Variants in CCDC180 observed in about 807,000 individuals in gnomAD.
CCDC180 encodes the protein coiled-coil domain containing 180, also known as coiled-coil domain-containing protein 180.
Under a neutral mutation model 209.2 loss-of-function variants are expected in CCDC180, and 154 were observed. The ratio of observed to expected loss-of-function variants is 0.74; its 90% confidence interval spans 0.65 to 0.84. The LOEUF (loss-of-function observed/expected upper bound fraction) is 0.84, where lower values mean the gene tolerates loss of function less well. Among genes scored for constraint, CCDC180 ranks in the 40% least tolerant of loss-of-function variants. CCDC180 has a pLI of 0.00. For missense variants in CCDC180, 1,874 were observed against 1,997.3 expected (o/e 0.94, Z 1.18); for synonymous variants, 778 against 749.1 (o/e 1.04, Z -0.63).
chr9:97,342,131 C>T (rs946232022), intron 18 of CCDC180, among the ~76,000 whole-genome samples: 15 of 152,248 alleles, frequency 9.9e-5, no homozygotes, highest in East Asian at 1.9e-4. Flanking sequence ...TTGCGCTTCC[C>T]GGGTGAGGCG....
chr9:97,366,682 C>T lies in CCDC180; in HGVS notation c.4171C>T (p.His1391Tyr), dbSNP rs545891110. 3 of 1,614,106 alleles carry T rather than the reference C, an allele frequency of 1.9e-6. No homozygotes were observed. The African/African-American group carries it at 4.0e-5, about 22-fold the overall frequency. Reference protein sequence around the residue: ...LEYQSQANKYHNSCLIELRIQ... With the variant: ...LEYQSQANKYYNSCLIELRIQ... ...GTATCAGAGCCAGGCAAATAAGTAC[C>T]ACAACTCCTGCCTCATAGGTGAGTA... The change falls in exon 31 of 37, where the codon CAC (histidine) becomes TAC (tyrosine). Residue 1391 changes from histidine (H) to tyrosine (Y), a missense_variant. Transcript: ENST00000529487. This position sits in a 1 kb window ranked among gnomAD's most constrained non-coding sequence, Gnocchi z 4.3.
At chr9:97,346,769 G>A (rs969302693) in intron 19 of CCDC180, among the ~76,000 whole-genome samples, 1 of 152,100 alleles carries the variant, frequency 6.6e-6, no homozygotes, top group African/African-American at 2.4e-5. Context: ...AGAGATGGGG[G>A]TCTCACCATG....
intron 20 of CCDC180, among the ~76,000 whole-genome samples, chr9:97,348,464 A>G (rs568891973): frequency 1.0e-3 from 158 of 152,326 alleles, no homozygotes; most frequent in African/African-American, 3.7e-3. Flanking sequence ...CCCCTGACCC[A>G]ATACACAGTG....
intron 19 of CCDC180, 41 bp downstream of exon 19, chr9:97,343,604 G>A: frequency 7.6e-7 from 1 of 1,319,762 alleles, no homozygotes; most frequent in Non-Finnish European, 1.1e-6. Context: ...GTTGTTCTGA[G>A]TTTTGTAAAC....
chr9:97,350,356 G>T, intron 21 of CCDC180, 53 bp from the exon 22 acceptor site: 1 of 1,513,028 alleles, frequency 6.6e-7, no homozygotes, highest in South Asian at 1.2e-5. Context: ...CCCCTCCCTT[G>T]TCCCCCAGGG....
intron 27 of CCDC180, 85 bp downstream of exon 27, chr9:97,361,983 C>T: frequency 1.3e-6 from 2 of 1,484,866 alleles, no homozygotes; most frequent in South Asian, 2.6e-5. Flanking sequence ...GGGCCCCACA[C>T]ACTGGGGTTC....
intron 36 of CCDC180, chr9:97,376,491 C>T (rs542561528): frequency 1.5e-4 from 51 of 337,042 alleles, no homozygotes; most frequent in African/African-American, 1.0e-3. Context: ...AGTGCTGAGC[C>T]TAGAGTCAGA....
chr9:97,314,212 G>T (rs1191750208), intron 5 of CCDC180, among the ~76,000 whole-genome samples, 181 bp from the exon 6 acceptor site: 1 of 152,238 alleles, frequency 6.6e-6, no homozygotes, highest in African/African-American at 2.4e-5. Context: ...AAGAAGGAGG[G>T]CTCAGCGCAG....
At chr9:97,318,329 A>C in intron 9 of CCDC180, 134 bp from the exon 10 acceptor site, 4 of 866,844 alleles carry the variant, frequency 4.6e-6, no homozygotes, top group East Asian at 4.8e-5. Flanking sequence ...AAGTCTGGGG[A>C]GGAAGGGGCT....
At chr9:97,311,655 G>A (rs1420718694) in intron 3 of CCDC180, among the ~76,000 whole-genome samples, 2 of 152,164 alleles carry the variant, frequency 1.3e-5, no homozygotes, top group East Asian at 1.9e-4. Context: ...TGCATTCTGT[G>A]GTTCCTATAA....
chr9:97,344,846 G>T (rs987151397), intron 19 of CCDC180, among the ~76,000 whole-genome samples: 1 of 152,148 alleles, frequency 6.6e-6, no homozygotes, highest in Admixed American at 6.5e-5. Flanking sequence ...AAGCCCACAA[G>T]AAATAGAACC....
rs1397950455 is a variant in CCDC180 at position 97,343,503 on chromosome 9, G to A, written c.2438G>A (p.Ser813Asn). 4 of 1,614,056 alleles carry A rather than the reference G, an allele frequency of 2.5e-6. No individual in the cohort carries two copies. Among genetic ancestry groups the A allele is most frequent in the South Asian group, 1.1e-5 (1 of 91,076 alleles). Residue 813 changes from serine to asparagine, a missense_variant, in exon 19 of 37, where the codon AGT (serine) becomes AAT (asparagine). Transcript: ENST00000529487. ...GCCATGTTCATCAACGACACTTCCA[G>A]TGCCAAGTTCATAGAACAAGTGACA... ...FSAMFINDTS[S>N]AKFIEQVTIP...
At chr9:97,371,905 A>G (rs1827111833) in intron 34 of CCDC180, 199 bp downstream of exon 34, 1 of 422,294 alleles carries the variant, frequency 2.4e-6, no homozygotes, top group Non-Finnish European at 4.3e-6. Context: ...TATATAAAAA[A>G]TGAAACCCTA....
chr9:97,376,801 CCAGGATGACTGTACATCT>C lies in CCDC180; in HGVS notation c.4885_4902del (p.Asp1629_Gln1634del). On this transcript the variant is annotated inframe_deletion, in exon 37 of 37. Coordinates refer to ENST00000529487, the MANE Select transcript of CCDC180 (RefSeq NM_020893.6). ...CATTTGAGGAGGAGCTAAAGAGGATCCAGGATGACTGTACATCTCAGATAAAGGAGGCTCAGCGCTGGA... is the reference window on the plus strand; with the variant it reads ...CATTTGAGGAGGAGCTAAAGAGGATCCAGATAAAGGAGGCTCAGCGCTGGA... The C allele has an allele frequency of 2.5e-6, 4 of 1,613,516 alleles. No individual in the cohort carries two copies. The highest frequency in any genetic ancestry group is 2.5e-6 in the Non-Finnish European group (3 of 1,179,924).
chr9:97,374,865 C>T (rs1452457971), intron 35 of CCDC180, among the ~76,000 whole-genome samples: 2 of 152,248 alleles, frequency 1.3e-5, no homozygotes, highest in Non-Finnish European at 1.5e-5. Context: ...TGCCCCAGCA[C>T]ATACAAACAG....
chr9:97,310,164 G>A (rs1344759611), intron 3 of CCDC180, among the ~76,000 whole-genome samples: 4 of 152,264 alleles, frequency 2.6e-5, no homozygotes, highest in Non-Finnish European at 5.9e-5. Context: ...CCCTCAGGCA[G>A]CTCTGTGCAG....
intron 18 of CCDC180, among the ~76,000 whole-genome samples, chr9:97,341,697 C>T (rs932269434): frequency 2.6e-5 from 4 of 152,174 alleles, no homozygotes; most frequent in African/African-American, 9.7e-5. Context: ...GCTGGGAGAA[C>T]CACTGCTGTT....
In CCDC180 at chr9:97,317,214, G is replaced by A. The variant is rs1341741704; in HGVS notation, c.945G>A (p.Leu315=). The change falls in exon 9 of 37, where the codon CTG becomes CTA. Residue 315 remains leucine, a synonymous_variant. Coordinates refer to ENST00000529487, the MANE Select transcript of CCDC180 (RefSeq NM_020893.6). ...GGAAGGCTCTCAAGAAGGAGGCCCT[G>A]CTGCAGAGTTTCAGGTCAGTGCCGC... is the stretch of plus-strand genomic sequence containing the variant. The part of the protein sequence containing the change: ...DTWKALKKEA[L]LQSFSEFMAS... The A allele has an allele frequency of 6.3e-7, 1 of 1,599,922 alleles. No individual in the cohort carries two copies.
intron 18 of CCDC180, among the ~76,000 whole-genome samples, chr9:97,331,223 AT>A (rs1587800981): frequency 6.6e-6 from 1 of 152,252 alleles, no homozygotes; most frequent in East Asian, 1.9e-4. Flanking sequence ...AATGGCCTCC[AT>A]CCATGTTGCT....
Sources: allele counts gnomAD v4.1 joint callset (sites outside exome capture counted in the v4.1 genomes callset), GRCh38; gene constraint gnomAD v4.1.1; non-coding constraint Gnocchi (gnomAD v3.1); transcripts MANE v1.5; gene names NCBI Gene and HGNC (gene_info 2026-07-23, HGNC 2026-07-21).